The following UNC80 variants were observed in gnomAD, a reference collection of about 807,000 sequenced individuals.
UNC80 encodes the protein unc-80 subunit of NALCN channel complex.
In UNC80, 164 loss-of-function variants were observed where a neutral mutation model predicts 384.6. That is an observed-to-expected ratio of 0.43 (90% confidence interval 0.38 to 0.49). The LOEUF (loss-of-function observed/expected upper bound fraction) is 0.49. Ranked by LOEUF, UNC80 falls within the 20% of genes least tolerant of loss-of-function variation. The pLI, the probability that UNC80 is intolerant of heterozygous loss-of-function variation, is 0.00. For synonymous variants in UNC80, 1,486 were observed against 1,527.8 expected, an observed-to-expected ratio of 0.97 and a Z score of 0.64; for missense variants, 3,330 against 4,143.0, an observed-to-expected ratio of 0.80 and a Z score of 5.39.
intron 51 of UNC80, among the ~76,000 whole-genome samples, chr2:209,960,580 G>A (rs1487802619): frequency 6.6e-6 from 1 of 152,164 alleles, no homozygotes; most frequent in Non-Finnish European, 1.5e-5. Context: ...AAATAACGTT[G>A]CAATTTCACA....
At position 209,877,944 on chromosome 2, in the gene UNC80, C is replaced by T. The variant is rs2124890841; in HGVS notation, c.3841-10C>T. On this transcript the variant is annotated splice_polypyrimidine_tract_variant and intron_variant, in intron 23 of 64. Coordinates refer to ENST00000673920, the MANE Select transcript of UNC80 (RefSeq NM_001371986.1). ...TTTGTGCTGTTTCATTGTTTTCCTT[C>T]CCATTTTAGGCAATTGGCGTCCGAT... 6.6e-7 allele frequency: 1 copy of T among 1,515,438 alleles called. No homozygotes were observed. The highest frequency in any genetic ancestry group is 2.5e-5 in the East Asian group (1 of 39,418). 93.9% of individuals were successfully genotyped at this position (1,515,438 alleles called of 1,614,324 possible). A position where few individuals can be genotyped will look rare whatever the true frequency, so the allele number is the denominator to read the frequency against.
Position 209,917,958 on chromosome 2 carries a change from G to T in UNC80, c.5211G>T (p.Lys1737Asn). Reference protein sequence around the residue: ...RMEEGAQQIFKIPPPSINFTL... With the variant: ...RMEEGAQQIFNIPPPSINFTL... ...AGGAAGGGGCACAGCAGATTTTTAAGGTGAGGGATACTTCTCACAGAGGAG... is the reference window on the plus strand; with the variant it reads ...AGGAAGGGGCACAGCAGATTTTTAATGTGAGGGATACTTCTCACAGAGGAG... Residue 1737 changes from lysine to asparagine, a missense_variant and splice_region_variant, in exon 32 of 65, where the codon AAG becomes AAT. Around this residue, in one of 8 missense-constraint regions of UNC80, gnomAD observed 1,049 missense variants for 1,488.6 expected, o/e 0.70. Transcript: ENST00000673920. 1 of 1,551,528 alleles carries T rather than the reference G, an allele frequency of 6.4e-7. No homozygotes were observed. The highest frequency in any genetic ancestry group is 1.2e-5 in the South Asian group (1 of 84,032).
intron 13 of UNC80, among the ~76,000 whole-genome samples, chr2:209,821,571 C>G (rs1341661562): frequency 6.6e-6 from 1 of 152,204 alleles, no homozygotes; most frequent in African/African-American, 2.4e-5. Context: ...GACTAACTCT[C>G]CTAGCCTCAT....
intron 47 of UNC80, among the ~76,000 whole-genome samples, chr2:209,952,935 A>G (rs2092252561): frequency 6.6e-6 from 1 of 152,206 alleles, no homozygotes; most frequent in Non-Finnish European, 1.5e-5. Context: ...AGCACATATT[A>G]TAGGCAAAAT....
At chr2:209,958,878 A>G (rs916569272) in intron 49 of UNC80, among the ~76,000 whole-genome samples, 32 of 152,234 alleles carry the variant, frequency 2.1e-4, no homozygotes, top group Admixed American at 1.4e-3. Context: ...TTTTTATAAT[A>G]GTCGTCTTTA....
intron 45 of UNC80, among the ~76,000 whole-genome samples, chr2:209,944,018 T>A (rs10178424): frequency 0.019 from 2,961 of 152,236 alleles, 84 homozygotes; most frequent in African/African-American, 0.066. Flanking sequence ...GGGTCAAAGT[T>A]CTATCTTTAT....
intron 22 of UNC80, among the ~76,000 whole-genome samples, chr2:209,856,089 T>C (rs538412616): frequency 3.4e-4 from 52 of 152,246 alleles, no homozygotes; most frequent in African/African-American, 1.2e-3. Flanking sequence ...GTGCCAACGA[T>C]ATAATGAAAA....
chr2:209,942,855 TACACAC>T (rs10584249), intron 44 of UNC80, among the ~76,000 whole-genome samples: 5 of 145,658 alleles, frequency 3.4e-5, no homozygotes, highest in Admixed American at 6.8e-5. Flanking sequence ...CACTCTTTCC[TACACAC>T]ACACACACAC....
Position 209,999,020 on chromosome 2 carries a change from C to T in UNC80, c.*3425C>T, listed in dbSNP as rs1210164560. 6.6e-6 allele frequency: 1 copy of T among 152,310 alleles called. No individual in the cohort carries two copies. The highest frequency in any genetic ancestry group is 3.4e-3 in the Middle Eastern group (1 of 294). 9.4% of individuals were successfully genotyped at this position (152,310 alleles called of 1,614,324 possible). A position where few individuals can be genotyped will look rare whatever the true frequency, so the allele number is the denominator to read the frequency against. On this transcript the variant is annotated 3_prime_UTR_variant, in exon 65 of 65. Coordinates refer to ENST00000673920, the MANE Select transcript of UNC80 (RefSeq NM_001371986.1). Reference sequence around the variant, plus strand: ...ATTATTTTATGATCATTTAGGATTACAGATCAATTTACCTCCATAAATCTT... The same window carrying T: ...ATTATTTTATGATCATTTAGGATTATAGATCAATTTACCTCCATAAATCTT...
chr2:209,902,840 C>T (rs1032339046), intron 28 of UNC80, among the ~76,000 whole-genome samples: 10 of 151,942 alleles, frequency 6.6e-5, no homozygotes, highest in Middle Eastern at 3.4e-3. Flanking sequence ...TTAAATGCAA[C>T]ATTTGCTTTA....
At chr2:209,820,939 A>C (rs151209902) in intron 13 of UNC80, among the ~76,000 whole-genome samples, 14 of 152,336 alleles carry the variant, frequency 9.2e-5, no homozygotes, top group Non-Finnish European at 1.9e-4. Flanking sequence ...GCAAGAGAAC[A>C]TTTCAGTTAT....
chr2:209,972,238 C>A lies in UNC80; in HGVS notation c.8294C>A (p.Ser2765Tyr). ...KEDFPLSHVISPFTNQERREG... is the reference protein window; with the variant it reads ...KEDFPLSHVIYPFTNQERREG... The stretch of plus-strand genomic sequence containing the variant: ...GATTTTCCTTTAAGCCATGTGATCT[C>A]CCCATTCACCAATCAAGAGCGAAGG... The change falls in exon 55 of 65, where the codon TCC becomes TAC. Residue 2765 changes from serine (S) to tyrosine (Y), a missense_variant. Ser to Tyr is a moderately radical substitution (Grantham distance 144). Around this residue, in one of 8 missense-constraint regions of UNC80, gnomAD observed 1,049 missense variants for 1,488.6 expected, o/e 0.70. Coordinates refer to ENST00000673920, the MANE Select transcript of UNC80 (RefSeq NM_001371986.1). 2 of 1,551,564 alleles carry A rather than the reference C, an allele frequency of 1.3e-6. No individual in the cohort carries two copies. Among genetic ancestry groups the A allele is most frequent in the Non-Finnish European group, 1.7e-6 (2 of 1,146,876 alleles).
intron 34 of UNC80, 82 bp from the exon 35 acceptor site, chr2:209,922,170 C>A: frequency 6.9e-7 from 1 of 1,450,340 alleles, no homozygotes; most frequent in Middle Eastern, 1.7e-4. Context: ...GAGCAGTATG[C>A]ATTTGTGATA....
intron 26 of UNC80, among the ~76,000 whole-genome samples, chr2:209,889,798 T>C (rs999154014): frequency 6.6e-6 from 1 of 152,216 alleles, no homozygotes; most frequent in African/African-American, 2.4e-5. Flanking sequence ...GCTTCATCCA[T>C]GTCCCTGCAA....
chr2:209,878,666 G>T (rs1002498067), intron 24 of UNC80, among the ~76,000 whole-genome samples: 1 of 152,168 alleles, frequency 6.6e-6, no homozygotes, highest in Non-Finnish European at 1.5e-5. Context: ...TCATAGAAAA[G>T]TAGAGACAAA....
chr2:209,798,920 G>A (rs1208619237), intron 7 of UNC80, among the ~76,000 whole-genome samples: 1 of 145,700 alleles, frequency 6.9e-6, no homozygotes, highest in Non-Finnish European at 1.5e-5. Context: ...TCCTGACCTT[G>A]TGATCCGCCC....
At chr2:209,871,377 A>T (rs1409185816) in intron 22 of UNC80, among the ~76,000 whole-genome samples, 1 of 152,186 alleles carries the variant, frequency 6.6e-6, no homozygotes, top group Admixed American at 6.5e-5. Flanking sequence ...CATTTTAAAA[A>T]ATCTTAAATG....
Position 209,872,092 on chromosome 2 carries a change from T to C in UNC80, c.3628-666T>C, listed in dbSNP as rs2084354271. Among the ~76,000 whole-genome samples the C allele has an allele frequency of 6.6e-6, 1 of 152,092 alleles. No individual in the cohort carries two copies. The highest frequency in any genetic ancestry group is 1.5e-5 in the Non-Finnish European group (1 of 68,022). The stretch of plus-strand genomic sequence containing the variant: ...ATCTCAGCTAACTGCAACTTACACC[T>C]CCCAGGTTCAAGCCTCAGCCTCCTG... On this transcript the variant is annotated intron_variant, in intron 22 of 64. Transcript: ENST00000673920. This position sits in a 1 kb window ranked among gnomAD's most constrained non-coding sequence, Gnocchi z 4.1.
chr2:209,808,855 A>G (rs1042382825), intron 7 of UNC80: 51 of 318,752 alleles, frequency 1.6e-4, no homozygotes, highest in Non-Finnish European at 2.9e-4. Context: ...TCGGAAGCCC[A>G]ACTACAGCAA....
Sources: gnomAD v4.1 joint callset for allele counts (sites outside exome capture counted in the v4.1 genomes callset) on GRCh38, gnomAD v4.1.1 for gene constraint, gnomAD v4.1.1 regional missense constraint, Gnocchi (gnomAD v3.1) non-coding constraint, MANE v1.5 for transcripts, NCBI Gene and HGNC (gene_info 2026-07-23, HGNC 2026-07-21) for gene names.